IFT80: variants seen among roughly 807,000 people sequenced by gnomAD.
The protein encoded by IFT80 is intraflagellar transport 80.
IFT80 carries 79 observed loss-of-function variants against 107.9 expected under a neutral mutation model. The observed-to-expected ratio is 0.73, with a 90% CI of 0.61 to 0.88. IFT80 has a LOEUF of 0.88. Among genes scored for constraint, IFT80 ranks in the 40% least tolerant of loss-of-function variants. The pLI, the probability that IFT80 is intolerant of heterozygous loss-of-function variation, is 0.00. For missense variants in IFT80, 797 were observed against 914.2 expected (o/e 0.87, Z 1.65); for synonymous variants, 299 against 300.9 (o/e 0.99, Z 0.07).
At chr3:160,315,321 G>A (rs1188130467) in intron 9 of IFT80, among the ~76,000 whole-genome samples, 1 of 152,150 alleles carries the variant, frequency 6.6e-6, no homozygotes, top group African/African-American at 2.4e-5. Context: ...TTCTAGTCTT[G>A]TCTTTCTCCC....
At chr3:160,347,138 C>G (rs527377961) in intron 8 of IFT80, among the ~76,000 whole-genome samples, 1 of 152,172 alleles carries the variant, frequency 6.6e-6, no homozygotes, top group Non-Finnish European at 1.5e-5. Flanking sequence ...CCCACCCCCA[C>G]TGCACCACCC....
intron 12 of IFT80, among the ~76,000 whole-genome samples, chr3:160,295,006 C>T (rs1048237707): frequency 2.0e-5 from 3 of 152,164 alleles, no homozygotes; most frequent in Admixed American, 1.3e-4. Context: ...GGGAGATCAG[C>T]TCCTGTAATA....
At chr3:160,275,910 AT>A (rs1481296897) in intron 18 of IFT80, among the ~76,000 whole-genome samples, 1 of 152,154 alleles carries the variant, frequency 6.6e-6, no homozygotes, top group Non-Finnish European at 1.5e-5. Flanking sequence ...TGGCTTATTT[AT>A]TTATTTATTT....
At chr3:160,274,955 C>G (rs577292078) in intron 18 of IFT80, among the ~76,000 whole-genome samples, 2 of 152,272 alleles carry the variant, frequency 1.3e-5, no homozygotes, top group African/African-American at 4.8e-5. Flanking sequence ...TGGTACCAGC[C>G]ATAGATAATT....
chr3:160,349,051 T>A (rs970325534), intron 8 of IFT80, among the ~76,000 whole-genome samples: 5 of 152,278 alleles, frequency 3.3e-5, no homozygotes, highest in East Asian at 1.9e-4. Context: ...ACACTTTTTT[T>A]AATTGGGTAC....
intron 8 of IFT80, among the ~76,000 whole-genome samples, chr3:160,344,585 A>AC (rs1381126732): frequency 6.6e-6 from 1 of 152,206 alleles, no homozygotes; most frequent in East Asian, 1.9e-4. Context: ...GCAAAAACGG[A>AC]CAAATGGGAT....
intron 1 of IFT80, among the ~76,000 whole-genome samples, chr3:160,393,534 A>T (rs971702191): frequency 6.6e-6 from 1 of 152,174 alleles, no homozygotes; most frequent in African/African-American, 2.4e-5. Flanking sequence ...AAGAATAGGG[A>T]GTTATTGTTC....
At chr3:160,333,677 G>T (rs1366451343) in intron 8 of IFT80, among the ~76,000 whole-genome samples, 1 of 152,008 alleles carries the variant, frequency 6.6e-6, no homozygotes, top group Non-Finnish European at 1.5e-5. Context: ...GGTCTTCAGG[G>T]GCAACAGCAT....
intron 8 of IFT80, among the ~76,000 whole-genome samples, chr3:160,339,619 A>G (rs1047342130): frequency 3.9e-5 from 6 of 152,224 alleles, no homozygotes; most frequent in African/African-American, 9.6e-5. Flanking sequence ...CAGAATATGA[A>G]AAAGTAAACA....
At chr3:160,388,368 G>A (rs933172981) in intron 1 of IFT80, among the ~76,000 whole-genome samples, 2 of 151,576 alleles carry the variant, frequency 1.3e-5, no homozygotes, top group African/African-American at 4.8e-5. Context: ...ATCAAAACTG[G>A]ACAGGGGCAT....
rs184680258 is a variant in IFT80, at chr3:160,384,588, T to C, written c.13A>G (p.Ile5Val). Residue 5 changes from isoleucine to valine, a missense_variant, in exon 2 of 20, where the codon ATA becomes GTA. Physicochemically the swap from Ile to Val is conservative, Grantham distance 29. Coordinates refer to ENST00000326448, the MANE Select transcript of IFT80 (RefSeq NM_020800.3). MRLK[I>V]SLLKEPKHQE... ...TGCTTTGGTTCTTTTAAAAGAGATA[T>C]CTTTAGTCTCATGACTCCACTTCCA... is the stretch of plus-strand genomic sequence containing the variant. 4.6e-6 allele frequency: 7 copies of C among 1,535,424 alleles called. No individual in the cohort carries two copies. The highest frequency in any genetic ancestry group is 1.4e-5 in the African/African-American group (1 of 73,170).
rs568318638 is a variant in IFT80, at chr3:160,345,466, C to T, written c.777+10547G>A. ...CTTTGGGAGGCCAAGGTGGGTGGAT[C>T]GCTTAAGGTCAAGAGTTCGAGACCA... is the stretch of plus-strand genomic sequence containing the variant. On this transcript the variant is annotated intron_variant, in intron 8 of 19. Coordinates refer to ENST00000326448, the MANE Select transcript of IFT80 (RefSeq NM_020800.3). 7.2e-5 allele frequency among the ~76,000 whole-genome samples: 11 copies of T among 152,064 alleles called. No individual in the cohort carries two copies. In the South Asian group the frequency reaches 1.5e-3, roughly 20 times the overall value.
intron 12 of IFT80, among the ~76,000 whole-genome samples, chr3:160,288,290 A>G (rs1342520809): frequency 1.3e-5 from 2 of 152,130 alleles, no homozygotes; most frequent in East Asian, 3.9e-4. Flanking sequence ...CCGAGCTCAC[A>G]CCACTGCACT....
chr3:160,309,641 T>C (rs1298593993), intron 9 of IFT80, among the ~76,000 whole-genome samples: 1 of 151,954 alleles, frequency 6.6e-6, no homozygotes, highest in East Asian at 1.9e-4. Flanking sequence ...GAGCTGAGAT[T>C]GTGCCACTGC....
chr3:160,311,894 C>T (rs575745299), intron 9 of IFT80, among the ~76,000 whole-genome samples: 346 of 152,270 alleles, frequency 2.3e-3, no homozygotes, highest in African/African-American at 8.0e-3. Flanking sequence ...GGCTCTTCCG[C>T]CTCAGCCTCC....
Position 160,366,071 on chromosome 3 carries a change from G to A in IFT80, c.521C>T (p.Pro174Leu), listed in dbSNP as rs554727578. Residue 174 changes from proline (P) to leucine (L), a missense_variant, in exon 6 of 20, where the codon CCT (proline) becomes CTT (leucine). Physicochemically the swap from Pro to Leu is moderately conservative, Grantham distance 98. Transcript: ENST00000326448. The stretch of plus-strand genomic sequence containing the variant: ...CAAAACTTTAGCATTTGGTTGAAGA[G>A]GTTTAATGATTAGCTGCTTGCCTGC... ...YTAGKQLIIKPLQPNAKVLQW... is the reference protein window; with the variant it reads ...YTAGKQLIIKLLQPNAKVLQW... 2.5e-6 allele frequency: 4 copies of A among 1,612,570 alleles called. No individual in the cohort carries two copies. The highest frequency in any genetic ancestry group is 2.7e-5 in the African/African-American group (2 of 74,864).
intron 1 of IFT80, among the ~76,000 whole-genome samples, chr3:160,396,841 A>T (rs1713816106): frequency 6.6e-6 from 1 of 152,152 alleles, no homozygotes; most frequent in South Asian, 2.1e-4. Context: ...TCTTCTCAAA[A>T]TTTATACTTA....
intron 8 of IFT80, among the ~76,000 whole-genome samples, chr3:160,325,047 A>C (rs1465793250): frequency 7.3e-5 from 11 of 151,232 alleles, no homozygotes; most frequent in African/African-American, 2.2e-4. Flanking sequence ...CAAAGAGAAT[A>C]AAATACCTAG....
chr3:160,376,356 AG>A (rs145720650), intron 4 of IFT80, among the ~76,000 whole-genome samples: 6,922 of 152,276 alleles, frequency 0.045, 223 homozygotes, highest in Middle Eastern at 0.078. Flanking sequence ...TTGCAGGTAG[AG>A]AGAGCTGTTT....
Sources: gnomAD v4.1 joint callset for allele counts (sites outside exome capture counted in the v4.1 genomes callset) on GRCh38, gnomAD v4.1.1 for gene constraint, MANE v1.5 for transcripts, NCBI Gene and HGNC (gene_info 2026-07-23, HGNC 2026-07-21) for gene names.